The following FANCI variants were observed in gnomAD, a reference collection of about 807,000 sequenced individuals.
The protein encoded by FANCI is Fanconi anemia group I protein.
FANCI carries 156 observed loss-of-function variants against 176.1 expected under a neutral mutation model. The ratio of observed to expected loss-of-function variants is 0.89; its 90% CI spans 0.78 to 1.01. FANCI has a LOEUF of 1.01. Among genes scored for constraint, FANCI ranks in the 50% least tolerant of loss-of-function variants. The pLI, the probability that FANCI is intolerant of heterozygous loss-of-function variation, is 0.00. For missense variants in FANCI, 1,678 were observed against 1,534.1 expected (o/e 1.09, Z -1.57); for synonymous variants, 613 against 541.7 (o/e 1.13, Z -1.83).
chr15:89,270,023 C>G (rs1356886694), intron 10 of FANCI, among the ~76,000 whole-genome samples: 1 of 152,150 alleles, frequency 6.6e-6, no homozygotes, highest in Non-Finnish European at 1.5e-5. Flanking sequence ...ATTGGCCAGG[C>G]TGGTCTTCAA....
intron 23 of FANCI, 104 bp from the exon 24 acceptor site, chr15:89,294,809 CTG>C: frequency 8.3e-7 from 1 of 1,208,000 alleles, no homozygotes; most frequent in Non-Finnish European, 1.1e-6. Flanking sequence ...CTGGCAAGCT[CTG>C]TTGGGTGCTG....
At chr15:89,277,545 AAG>A (rs1383043521) in intron 13 of FANCI, among the ~76,000 whole-genome samples, 3 of 151,418 alleles carry the variant, frequency 2.0e-5, no homozygotes, top group African/African-American at 7.3e-5. Context: ...CCAGGAAGTC[AAG>A]GCTACAGTGA....
At chr15:89,252,048 C>G (rs956614404) in intron 2 of FANCI, among the ~76,000 whole-genome samples, 3 of 152,092 alleles carry the variant, frequency 2.0e-5, no homozygotes, top group Admixed American at 6.5e-5. Flanking sequence ...ACCCATAATC[C>G]CAACGCTTTG....
In FANCI at chr15:89,303,898, G is replaced by A. The variant is rs140404896; in HGVS notation, c.3041G>A (p.Cys1014Tyr). The change falls in exon 28 of 38, where the codon TGC becomes TAC. Residue 1014 changes from cysteine (C) to tyrosine (Y), a missense_variant. Transcript: ENST00000310775. ...VQMLSWTSKI[C>Y]KENSREDALF... ...ATGTTATCCTGGACATCAAAGATTTGCAAGGAAAACAGCCGGGGTAAGTTT... is the reference window on the plus strand; with the variant it reads ...ATGTTATCCTGGACATCAAAGATTTACAAGGAAAACAGCCGGGGTAAGTTT... 194 of 1,613,946 alleles carry A rather than the reference G, an allele frequency of 1.2e-4. No individual in the cohort carries two copies. Among genetic ancestry groups the A allele is most frequent in the Non-Finnish European group, 9.8e-5 (116 of 1,179,962 alleles).
chr15:89,260,669 A>C (rs201000781), intron 3 of FANCI, 44 bp from the exon 4 acceptor site: 1 of 1,610,268 alleles, frequency 6.2e-7, no homozygotes, highest in South Asian at 1.1e-5. Flanking sequence ...TTACCTGTCA[A>C]TGTTGTAAGA....
chr15:89,258,843 A>C, intron 3 of FANCI, 67 bp downstream of exon 3: 1 of 1,242,614 alleles, frequency 8.0e-7, no homozygotes, highest in African/African-American at 1.5e-5. Flanking sequence ...TAGTTTTCGT[A>C]CTTTTCTTAC....
intron 19 of FANCI, chr15:89,290,551 A>G: frequency 2.2e-6 from 1 of 450,372 alleles, no homozygotes. Context: ...CCATTTATAT[A>G]AGGACCATTG....
chr15:89,291,177 T>C (rs529441176), intron 19 of FANCI, among the ~76,000 whole-genome samples: 1 of 152,320 alleles, frequency 6.6e-6, no homozygotes, highest in African/African-American at 2.4e-5. Flanking sequence ...TGAAGTACTT[T>C]ACATGTATTG....
Position 89,272,930 on chromosome 15 carries a change from G to A in FANCI, c.883-447G>A, listed in dbSNP as rs529275799. 2.6e-5 allele frequency among the ~76,000 whole-genome samples: 4 copies of A among 152,254 alleles called. No homozygotes were observed. The South Asian group carries it at 6.2e-4, about 24-fold the overall frequency. ...GACCCACCTGCCTCAGTCTCCCAAA[G>A]TGCTGGCATTACAGGCATAAGCCAC... On this transcript the variant is annotated intron_variant, in intron 10 of 37. Transcript: ENST00000310775.
intron 34 of FANCI, chr15:89,308,226 G>T (rs1351917823): frequency 1.0e-6 from 1 of 978,328 alleles, no homozygotes; most frequent in East Asian, 1.0e-4. Flanking sequence ...TGTGGGACCT[G>T]TTCTGTGCAT....
At chr15:89,317,185 T>A (rs1396509958), downstream of FANCI, 2 of 629,522 alleles carry the variant, frequency 3.2e-6, no homozygotes, top group Non-Finnish European at 5.7e-6. Context: ...GAAGCTCTGC[T>A]GCCTTCATTT....
intron 4 of FANCI, among the ~76,000 whole-genome samples, chr15:89,261,056 G>A (rs1222925748): frequency 6.6e-6 from 1 of 152,038 alleles, no homozygotes; most frequent in Non-Finnish European, 1.5e-5. Flanking sequence ...TTGAGCTCAG[G>A]AGTTTGAGAC....
chr15:89,282,604 A>G (rs183321410), intron 16 of FANCI: 1 of 180,862 alleles, frequency 5.5e-6, no homozygotes, highest in East Asian at 1.3e-4. Flanking sequence ...TCTAGAATTA[A>G]AAGTTTTTGT....
At chr15:89,281,005 A>G (rs1003072503) in intron 14 of FANCI, among the ~76,000 whole-genome samples, 165 bp from the exon 15 acceptor site, 2 of 152,226 alleles carry the variant, frequency 1.3e-5, no homozygotes, top group Non-Finnish European at 2.9e-5. Flanking sequence ...TCCTGGTTAC[A>G]TTGGAGAAAA....
chr15:89,269,160 T>C (rs1033783137), intron 10 of FANCI, among the ~76,000 whole-genome samples: 19 of 152,216 alleles, frequency 1.2e-4, no homozygotes, highest in Non-Finnish European at 2.6e-4. Context: ...TTAGACACTT[T>C]GCCACATTTA....
At chr15:89,247,570 C>T in intron 1 of FANCI, 59 bp from the exon 2 acceptor site, 5 of 1,236,638 alleles carry the variant, frequency 4.0e-6, no homozygotes, top group South Asian at 1.2e-5. Context: ...GGAAGGAAAA[C>T]AAATCAAGTT....
rs1457831013 is a variant in FANCI at position 89,277,627 on chromosome 15, A to AG, written c.1293+736_1293+737insG. On this transcript the variant is annotated intron_variant, in intron 13 of 37. Transcript: ENST00000310775. Reference sequence around the variant, plus strand: ...ATCCTATCTCAAAAAAAAAAAAAAAAAAAAAGAATCATACTTATTGGTTCA... The same window carrying AG: ...ATCCTATCTCAAAAAAAAAAAAAAAAGAAAAAGAATCATACTTATTGGTTCA... 2.0e-4 allele frequency among the ~76,000 whole-genome samples: 29 copies of AG among 148,514 alleles called. 1 individual carries two copies. Among genetic ancestry groups the AG allele is most frequent in the Admixed American group, 1.5e-3 (22 of 14,678 alleles).
chr15:89,245,081 T>C (rs1331587465), intron 1 of FANCI: 1 of 152,196 alleles, frequency 6.6e-6, no homozygotes. Context: ...TATTAAAAAT[T>C]GGTGACAGTA....
chr15:89,277,354 GCCTATAAT>G (rs1567154411), intron 13 of FANCI, among the ~76,000 whole-genome samples: 1 of 152,094 alleles, frequency 6.6e-6, no homozygotes, highest in Non-Finnish European at 1.5e-5. Flanking sequence ...GGTGGCTCAA[GCCTATAAT>G]CCCAACACTT....
Sources: allele counts gnomAD v4.1 joint callset (sites outside exome capture counted in the v4.1 genomes callset), GRCh38; gene constraint gnomAD v4.1.1; transcripts MANE v1.5; gene names NCBI Gene and HGNC (gene_info 2026-07-23, HGNC 2026-07-21).